ADGRL3: variants seen among roughly 807,000 people sequenced by gnomAD.
The protein encoded by ADGRL3 is adhesion G protein-coupled receptor L3.
In ADGRL3, 62 loss-of-function variants were observed where a neutral mutation model predicts 153.5. The observed-to-expected ratio is 0.40, with a 90% CI of 0.33 to 0.50. The LOEUF (loss-of-function observed/expected upper bound fraction) is 0.50, where lower values mean the gene tolerates loss of function less well. Among genes scored for constraint, ADGRL3 ranks in the 20% least tolerant of loss-of-function variants. The pLI, the probability that ADGRL3 is intolerant of heterozygous loss-of-function variation, is 0.47. For synonymous variants in ADGRL3, 710 were observed against 672.5 expected, an observed-to-expected ratio of 1.06 and a Z score of -0.86; for missense variants, 1,641 against 1,859.4, an observed-to-expected ratio of 0.88 and a Z score of 2.16.
intron 9 of ADGRL3, among the ~76,000 whole-genome samples, chr4:61,881,367 T>C (rs1489756746): frequency 1.3e-5 from 2 of 152,126 alleles, no homozygotes; most frequent in Non-Finnish European, 2.9e-5. Context: ...TTTCCAAACA[T>C]GGAGGATAAT....
At chr4:61,948,837 T>A (rs2098935921) in intron 17 of ADGRL3, among the ~76,000 whole-genome samples, 1 of 152,126 alleles carries the variant, frequency 6.6e-6, no homozygotes. Flanking sequence ...CATGGCTACA[T>A]CAATTTCCTC....
intron 1 of ADGRL3, among the ~76,000 whole-genome samples, chr4:61,318,242 A>AAAG (rs2095276229): frequency 6.7e-6 from 1 of 149,516 alleles, no homozygotes; most frequent in African/African-American, 2.5e-5. Context: ...CACACACACA[A>AAAG]AAGAAAATAT....
At chr4:61,504,807 G>A (rs1025289197) in intron 3 of ADGRL3, among the ~76,000 whole-genome samples, 1 of 151,936 alleles carries the variant, frequency 6.6e-6, no homozygotes, top group African/African-American at 2.4e-5. Flanking sequence ...TTTTATAGCT[G>A]GATAAATTTC....
intron 9 of ADGRL3, among the ~76,000 whole-genome samples, chr4:61,866,689 C>T (rs2098402200): frequency 6.6e-6 from 1 of 152,118 alleles, no homozygotes; most frequent in Non-Finnish European, 1.5e-5. Context: ...TGAAGGAACT[C>T]CTCATACAGC....
At chr4:61,226,257 G>A (rs1747922721) in intron 1 of ADGRL3, among the ~76,000 whole-genome samples, 1 of 152,040 alleles carries the variant, frequency 6.6e-6, no homozygotes, top group Non-Finnish European at 1.5e-5. Context: ...AGAATCTATA[G>A]TTATCCAATT....
intron 1 of ADGRL3, among the ~76,000 whole-genome samples, chr4:61,313,306 A>G (rs543816490): frequency 6.6e-6 from 1 of 152,344 alleles, no homozygotes; most frequent in African/African-American, 2.4e-5. Context: ...ATGGCACTGC[A>G]ATGGCTGATA....
intron 2 of ADGRL3, among the ~76,000 whole-genome samples, chr4:61,447,062 A>G (rs2097591808): frequency 6.6e-6 from 1 of 151,920 alleles, no homozygotes; most frequent in South Asian, 2.1e-4. Context: ...CAGTTTTCTC[A>G]CCCCAGTTTA....
chr4:61,841,353 A>T (rs1459292699), intron 9 of ADGRL3, among the ~76,000 whole-genome samples: 1 of 152,158 alleles, frequency 6.6e-6, no homozygotes, highest in Non-Finnish European at 1.5e-5. Flanking sequence ...TTCCATATAT[A>T]TTCTTAGGCC....
intron 6 of ADGRL3, among the ~76,000 whole-genome samples, chr4:61,724,265 T>C (rs1397001912): frequency 6.6e-6 from 1 of 152,106 alleles, no homozygotes; most frequent in Non-Finnish European, 1.5e-5. Context: ...CTTCGAAAAA[T>C]TATTATTTTT....
intron 17 of ADGRL3, among the ~76,000 whole-genome samples, chr4:61,963,894 A>C (rs1726526232): frequency 6.6e-6 from 1 of 152,214 alleles, no homozygotes; most frequent in South Asian, 2.1e-4. Context: ...AATCAAGTAC[A>C]TAAGGGATCC....
chr4:61,530,831 A>T (rs1280136600), intron 4 of ADGRL3, among the ~76,000 whole-genome samples: 3 of 152,222 alleles, frequency 2.0e-5, no homozygotes. Flanking sequence ...TACGGAAATT[A>T]GTATAAATGT....
chr4:61,276,494 C>A (rs185892446), intron 1 of ADGRL3, among the ~76,000 whole-genome samples: 1 of 151,998 alleles, frequency 6.6e-6, no homozygotes, highest in Non-Finnish European at 1.5e-5. Context: ...CACATTTATT[C>A]TTTGTTTTGG....
chr4:61,958,829 T>G (rs2098977502), intron 17 of ADGRL3, among the ~76,000 whole-genome samples: 1 of 152,118 alleles, frequency 6.6e-6, no homozygotes, highest in Admixed American at 6.6e-5. Context: ...GGGTTATCTC[T>G]GAATTCCCAA....
At chr4:61,322,076 C>T (rs2095368045) in intron 1 of ADGRL3, among the ~76,000 whole-genome samples, 1 of 152,108 alleles carries the variant, frequency 6.6e-6, no homozygotes, top group Non-Finnish European at 1.5e-5. Flanking sequence ...GGAGGCCTCA[C>T]AATTGTGGCA....
intron 1 of ADGRL3, among the ~76,000 whole-genome samples, chr4:61,330,441 A>C (rs140612047): frequency 1.1e-3 from 174 of 152,182 alleles, no homozygotes; most frequent in African/African-American, 3.5e-3. Context: ...CAGACACTGG[A>C]TCTCCTGGTT....
intron 25 of ADGRL3, among the ~76,000 whole-genome samples, chr4:62,047,452 CA>C (rs1390234262): frequency 3.3e-5 from 5 of 151,814 alleles, no homozygotes. Context: ...AACTACTTTT[CA>C]ATGGTATTTA....
chr4:61,389,333 C>A (rs1158671073), intron 2 of ADGRL3, among the ~76,000 whole-genome samples: 1 of 152,144 alleles, frequency 6.6e-6, no homozygotes, highest in East Asian at 1.9e-4. Flanking sequence ...AGGAATGAGT[C>A]GCAGGTTTGA....
chr4:61,648,445 A>T (rs2094124897), intron 5 of ADGRL3, among the ~76,000 whole-genome samples: 1 of 148,880 alleles, frequency 6.7e-6, no homozygotes, highest in African/African-American at 2.5e-5. Flanking sequence ...TTTCCAGGTC[A>T]GTAAGTTAAT....
intron 6 of ADGRL3, among the ~76,000 whole-genome samples, chr4:61,696,318 A>G (rs900302272): frequency 6.6e-6 from 1 of 152,112 alleles, no homozygotes; most frequent in East Asian, 1.9e-4. Context: ...ACTTTCTAGG[A>G]TAGGGTTTTT....
Sources: gnomAD v4.1 joint callset for allele counts (sites outside exome capture counted in the v4.1 genomes callset) on GRCh38, gnomAD v4.1.1 for gene constraint, MANE v1.5 for transcripts, NCBI Gene and HGNC (gene_info 2026-07-23, HGNC 2026-07-21) for gene names.